The following ZNF774 variants were observed in gnomAD, a reference collection of about 807,000 sequenced individuals.
ZNF774 encodes the protein zinc finger protein 774.
ZNF774 carries 14 observed loss-of-function variants against 11.1 expected under a neutral mutation model. That is an observed-to-expected ratio of 1.26 (90% CI 0.83 to 1.97). The LOEUF is 1.97. Ranked by LOEUF, ZNF774 falls within the 30% of genes most tolerant of loss-of-function variation. The probability of loss-of-function intolerance (pLI) is 0.00; values close to 1 mark genes in which losing one functional copy is unlikely to be tolerated. For synonymous variants in ZNF774, 195 were observed against 212.6 expected (o/e 0.92, Z 0.72); for missense variants, 599 against 587.0 (o/e 1.02, Z -0.21).
Position 90,358,981 on chromosome 15 carries a change from G to A in ZNF774, c.211+24G>A, listed in dbSNP as rs779897648. 5.1e-6 allele frequency: 8 copies of A among 1,578,308 alleles called. No homozygotes were observed. The South Asian group carries it at 8.9e-5, about 17-fold the overall frequency. On this transcript the variant is annotated intron_variant, in intron 3 of 3. Coordinates refer to ENST00000354377, the MANE Select transcript of ZNF774 (RefSeq NM_001004309.3). ...AGGTGAGATGTGAGTGCTCCCCAGT[G>A]GAAGGAAATCTAGCATTTCAGCCTT...
chr15:90,353,539 G>A (rs1255093129), intron 1 of ZNF774, among the ~76,000 whole-genome samples: 1 of 150,422 alleles, frequency 6.6e-6, no homozygotes, highest in Non-Finnish European at 1.5e-5. Flanking sequence ...CCACAGTCTG[G>A]TCCTTCCTCC....
chr15:90,355,169 A>T (rs1434550375), intron 2 of ZNF774, among the ~76,000 whole-genome samples: 2 of 152,160 alleles, frequency 1.3e-5, no homozygotes, highest in Non-Finnish European at 2.9e-5. Context: ...AGGTCTGAGG[A>T]GTTTCTGGTA....
At chr15:90,357,516 C>A (rs4932338) in intron 2 of ZNF774, among the ~76,000 whole-genome samples, 22,607 of 152,086 alleles carry the variant, frequency 0.15, 2,366 homozygotes, top group East Asian at 0.47. Context: ...AACAAACAAA[C>A]ACACACACAA....
At position 90,356,038 on chromosome 15, in the gene ZNF774, AAATAAAT is replaced by A. The variant is rs1567100690; in HGVS notation, c.104+1277_104+1283del. ...GCAAGACTCCATCTCAAAAAAAAAAAAATAAATAAAAAAAACCAAAAACACCTCCAAT... is the reference window on the plus strand; with the variant it reads ...GCAAGACTCCATCTCAAAAAAAAAAAAAAAAAAACCAAAAACACCTCCAAT... On this transcript the variant is annotated intron_variant, in intron 2 of 3. Coordinates refer to ENST00000354377, the MANE Select transcript of ZNF774 (RefSeq NM_001004309.3). Among the ~76,000 whole-genome samples, 3 of 103,850 alleles carry A rather than the reference AAATAAAT, an allele frequency of 2.9e-5. 1 individual carries two copies. The highest frequency in any genetic ancestry group is 6.9e-5 in the Non-Finnish European group (3 of 43,520). The allele number at this position is 103,850 out of a possible 152,430, so 68.1% of individuals were successfully genotyped here. A position where few individuals can be genotyped will look rare whatever the true frequency, so the allele number is the denominator to read the frequency against.
At chr15:90,358,762 C>G (rs1964281377) in intron 2 of ZNF774, 89 bp from the exon 3 acceptor site, 1 of 993,212 alleles carries the variant, frequency 1.0e-6, no homozygotes, top group Non-Finnish European at 1.5e-6. Context: ...GGTGTTCTTC[C>G]ATACCTAGGC....
intron 2 of ZNF774, among the ~76,000 whole-genome samples, chr15:90,358,179 C>A (rs1964273909): frequency 6.6e-6 from 1 of 152,172 alleles, no homozygotes. Flanking sequence ...AGCCACTGAG[C>A]CTGGCCTCTT....
At position 90,356,032 on chromosome 15, in the gene ZNF774, AAAAAAAAATAAAT is replaced by A. The variant is rs1209451471; in HGVS notation, c.104+1277_104+1289del. Among the ~76,000 whole-genome samples, 89 of 139,876 alleles carry A rather than the reference AAAAAAAAATAAAT, an allele frequency of 6.4e-4. 3 individuals are homozygous for A. The highest frequency in any genetic ancestry group is 2.3e-3 in the African/African-American group (87 of 37,876). The allele number at this position is 139,876 out of a possible 152,430, so 91.8% of individuals were successfully genotyped here. Reference sequence around the variant, plus strand: ...GACAGAGCAAGACTCCATCTCAAAAAAAAAAAAATAAATAAAAAAAACCAAAAACACCTCCAAT... The same window carrying A: ...GACAGAGCAAGACTCCATCTCAAAAAAAAAAAAACCAAAAACACCTCCAAT... On this transcript the variant is annotated intron_variant, in intron 2 of 3. Coordinates refer to ENST00000354377, the MANE Select transcript of ZNF774 (RefSeq NM_001004309.3).
intron 2 of ZNF774, among the ~76,000 whole-genome samples, chr15:90,358,050 C>T (rs1013707504): frequency 6.6e-6 from 1 of 152,046 alleles, no homozygotes; most frequent in African/African-American, 2.4e-5. Flanking sequence ...CCTGTGCCAC[C>T]ATGCCCGGCT....
At chr15:90,359,713 C>T (rs58149228) in intron 3 of ZNF774, among the ~76,000 whole-genome samples, 1,604 of 152,254 alleles carry the variant, frequency 0.011, 30 homozygotes, top group African/African-American at 0.037. Context: ...CCTCGGCCTC[C>T]CGAAGTGCTG....
Position 90,360,423 on chromosome 15 carries a change from C to T in ZNF774, c.592C>T (p.Arg198Cys), listed in dbSNP as rs756648093. The T allele has an allele frequency of 1.7e-5, 27 of 1,613,684 alleles. No homozygotes were observed. The highest frequency in any genetic ancestry group is 2.2e-5 in the Non-Finnish European group (26 of 1,180,038). Reference sequence around the variant, plus strand: ...ACAGAGCTCAGACCTTGTCACCCATCGCAGAACACACACAGGAGAGAAGCC... The same window carrying T: ...ACAGAGCTCAGACCTTGTCACCCATTGCAGAACACACACAGGAGAGAAGCC... ...FKQSSDLVTH[R>C]RTHTGEKPYQ... Residue 198 changes from arginine to cysteine, a missense_variant, in exon 4 of 4, where the codon CGC (arginine) becomes TGC (cysteine). Transcript: ENST00000354377.
intron 2 of ZNF774, among the ~76,000 whole-genome samples, chr15:90,357,270 G>A (rs927951415): frequency 2.0e-5 from 3 of 152,158 alleles, no homozygotes; most frequent in African/African-American, 7.2e-5. Context: ...ATTTTGGGAG[G>A]CTGAGGCAGG....
At chr15:90,354,547 G>A in intron 1 of ZNF774, 95 bp from the exon 2 acceptor site, 3 of 733,976 alleles carry the variant, frequency 4.1e-6, no homozygotes, top group South Asian at 1.7e-5. Context: ...GGTGTGGGGG[G>A]TTGTTTGTGT....
chr15:90,360,420 C>T lies in ZNF774; in HGVS notation c.589C>T (p.His197Tyr). ...GFKQSSDLVT[H>Y]RRTHTGEKPY... is the part of the protein sequence containing the mutation. ...CAAACAGAGCTCAGACCTTGTCACCCATCGCAGAACACACACAGGAGAGAA... is the reference window on the plus strand; with the variant it reads ...CAAACAGAGCTCAGACCTTGTCACCTATCGCAGAACACACACAGGAGAGAA... The change falls in exon 4 of 4, where the codon CAT (histidine) becomes TAT (tyrosine). Residue 197 changes from histidine (H) to tyrosine (Y), a missense_variant. Transcript: ENST00000354377. 1 of 1,613,808 alleles carries T rather than the reference C, an allele frequency of 6.2e-7. No individual in the cohort carries two copies. Among genetic ancestry groups the T allele is most frequent in the Non-Finnish European group, 8.5e-7 (1 of 1,180,018 alleles).
At position 90,361,359 on chromosome 15, in the gene ZNF774, A is replaced by T; in HGVS notation, c.*76A>T. ...GTCTTCAAGCACCCCAAATAGAGAAAACCTGGGCGTCAGTGGCTCAATTTG... is the reference window on the plus strand; with the variant it reads ...GTCTTCAAGCACCCCAAATAGAGAATACCTGGGCGTCAGTGGCTCAATTTG... On this transcript the variant is annotated 3_prime_UTR_variant, in exon 4 of 4. Transcript: ENST00000354377. 1 of 1,504,032 alleles carries T rather than the reference A, an allele frequency of 6.6e-7. No individual in the cohort carries two copies. The highest frequency in any genetic ancestry group is 2.3e-5 in the East Asian group (1 of 44,076). The allele number at this position is 1,504,032 out of a possible 1,614,324, so 93.2% of individuals were successfully genotyped here.
At position 90,362,321 on chromosome 15, in the gene ZNF774, A is replaced by G. The variant is rs16944283; in HGVS notation, c.*1038A>G. The stretch of plus-strand genomic sequence containing the variant: ...GGCAGTGTATGGCAGTGTATCTACC[A>G]GAGGTTTGCTGTCATCTGACACAGA... On this transcript the variant is annotated 3_prime_UTR_variant, in exon 4 of 4. Transcript: ENST00000354377. 0.051 allele frequency: 27,051 copies of G among 532,290 alleles called. 2,908 individuals carry two copies. The highest frequency in any genetic ancestry group is 0.31 in the African/African-American group (16,152 of 52,638). The allele number at this position is 532,290 out of a possible 1,614,324, so 33.0% of individuals were successfully genotyped here. A position where few individuals can be genotyped will look rare whatever the true frequency, so the allele number is the denominator to read the frequency against.
chr15:90,354,518 C>G (rs541483048), intron 1 of ZNF774, 124 bp from the exon 2 acceptor site: 1 of 633,364 alleles, frequency 1.6e-6, no homozygotes, highest in South Asian at 2.1e-5. Flanking sequence ...CAGAATTTAC[C>G]TCAGGACCAT....
chr15:90,354,861 C>G, intron 2 of ZNF774, 97 bp downstream of exon 2: 4 of 959,758 alleles, frequency 4.2e-6, no homozygotes, highest in Non-Finnish European at 6.5e-6. Flanking sequence ...GTGGCGCGAT[C>G]TCGATTCACT....
At chr15:90,356,303 A>C (rs1200478061) in intron 2 of ZNF774, among the ~76,000 whole-genome samples, 1 of 151,854 alleles carries the variant, frequency 6.6e-6, no homozygotes, top group South Asian at 2.1e-4. Context: ...ACTGACCTCA[A>C]GTGATCCGCT....
At position 90,360,965 on chromosome 15, in the gene ZNF774, A is replaced by C. The variant is rs777339478; in HGVS notation, c.1134A>C (p.Glu378Asp). ...THTGERPFKC[E>D]NCGKGFADSS... Reference sequence around the variant, plus strand: ...CAGGTGAGAGACCTTTTAAGTGCGAAAACTGTGGGAAAGGATTCGCCGACA... The same window carrying C: ...CAGGTGAGAGACCTTTTAAGTGCGACAACTGTGGGAAAGGATTCGCCGACA... The change falls in exon 4 of 4, where the codon GAA becomes GAC. Residue 378 changes from glutamate (E) to aspartate (D), a missense_variant. Coordinates refer to ENST00000354377, the MANE Select transcript of ZNF774 (RefSeq NM_001004309.3). 1.2e-6 allele frequency: 2 copies of C among 1,614,172 alleles called. No individual in the cohort carries two copies. The highest frequency in any genetic ancestry group is 1.1e-5 in the South Asian group (1 of 91,086).
Sources: gnomAD v4.1 joint callset for allele counts (sites outside exome capture counted in the v4.1 genomes callset) on GRCh38, gnomAD v4.1.1 for gene constraint, MANE v1.5 for transcripts, NCBI Gene and HGNC (gene_info 2026-07-23, HGNC 2026-07-21) for gene names.